The following RBFOX1 variants were observed in gnomAD, a reference collection of about 807,000 sequenced individuals.
RBFOX1 encodes RNA binding protein fox-1 homolog 1.
A neutral mutation model predicts 57.7 loss-of-function variants in RBFOX1; 8 were observed. The observed-to-expected ratio is 0.14, with a 90% CI of 0.08 to 0.25. The LOEUF is 0.25. RBFOX1 is among the 10% of genes least tolerant of loss of function. RBFOX1 has a pLI of 1.00. For synonymous variants in RBFOX1, 326 were observed against 222.4 expected, an observed-to-expected ratio of 1.47 and a Z score of -4.15; for missense variants, 611 against 548.5, an observed-to-expected ratio of 1.11 and a Z score of -1.14.
intron 4 of RBFOX1, among the ~76,000 whole-genome samples, chr16:6,005,469 CA>C (rs1213390536): frequency 6.6e-6 from 1 of 152,188 alleles, no homozygotes; most frequent in Non-Finnish European, 1.5e-5. Context: ...TGGGAAGATA[CA>C]GAAATGATTG....
intron 3 of RBFOX1, among the ~76,000 whole-genome samples, chr16:6,710,135 G>C (rs2063467447): frequency 6.6e-6 from 1 of 152,112 alleles, no homozygotes; most frequent in African/African-American, 2.4e-5. Flanking sequence ...TGGGACTGAG[G>C]GGAGTCCAAA....
At chr16:6,585,776 T>C (rs1352449445) in intron 2 of RBFOX1, among the ~76,000 whole-genome samples, 2 of 127,006 alleles carry the variant, frequency 1.6e-5, no homozygotes, top group African/African-American at 5.1e-5. Context: ...AAAACTAATT[T>C]AGTTTTTTTC....
intron 14 of RBFOX1, chr16:7,693,230 C>A (rs961070663): frequency 1.8e-6 from 2 of 1,112,674 alleles, no homozygotes; most frequent in South Asian, 1.3e-5. Flanking sequence ...CCTTCCCTCC[C>A]CTCATCTGTA....
rs139939956 is a variant in RBFOX1, at chr16:6,430,263, G to A, written c.-64+113206G>A. Among the ~76,000 whole-genome samples, 414 of 152,224 alleles carry A rather than the reference G, an allele frequency of 2.7e-3. 3 individuals are homozygous for A. The highest frequency in any genetic ancestry group is 9.2e-3 in the African/African-American group (380 of 41,530). On this transcript the variant is annotated intron_variant, in intron 2 of 15. Transcript: ENST00000550418. ...TTCTCAACGTTGTGCTGGGCACCAG[G>A]GAATATAAAACAGTAAGACTCAGTC...
intron 3 of RBFOX1, among the ~76,000 whole-genome samples, chr16:5,826,708 C>T (rs2056068067): frequency 6.6e-6 from 1 of 152,184 alleles, no homozygotes; most frequent in African/African-American, 2.4e-5. Context: ...TGTTATTTAA[C>T]ATATTAATTA....
chr16:5,859,980 T>A (rs1382158629), intron 3 of RBFOX1, among the ~76,000 whole-genome samples: 1 of 152,194 alleles, frequency 6.6e-6, no homozygotes, highest in East Asian at 1.9e-4. Flanking sequence ...CCAAAGCACC[T>A]AGATGTAGCC....
chr16:6,848,875 G>C (rs1298490966), intron 3 of RBFOX1, among the ~76,000 whole-genome samples: 1 of 152,162 alleles, frequency 6.6e-6, no homozygotes, highest in African/African-American at 2.4e-5. Flanking sequence ...ATTTCCTCAG[G>C]TGTCAAAGAG....
intron 4 of RBFOX1, among the ~76,000 whole-genome samples, chr16:7,253,101 C>A (rs1000921471): frequency 6.6e-6 from 1 of 152,214 alleles, no homozygotes; most frequent in Admixed American, 6.5e-5. Flanking sequence ...TCACTGGACA[C>A]AGCAAACATA....
intron 3 of RBFOX1, among the ~76,000 whole-genome samples, chr16:6,787,378 G>A (rs56386808): frequency 0.2 from 30,433 of 152,036 alleles, 4,086 homozygotes; most frequent in African/African-American, 0.36. Context: ...ATGCAGAAAC[G>A]GTGAAATGAT....
chr16:5,948,837 C>G (rs1336026024), intron 4 of RBFOX1, among the ~76,000 whole-genome samples: 4 of 152,174 alleles, frequency 2.6e-5, no homozygotes, highest in Non-Finnish European at 5.9e-5. Context: ...CCCTGGGACA[C>G]TAATACACAC....
chr16:6,342,104 A>C (rs1439846334), intron 2 of RBFOX1, among the ~76,000 whole-genome samples: 2 of 152,214 alleles, frequency 1.3e-5, no homozygotes, highest in Non-Finnish European at 2.9e-5. Flanking sequence ...AAATTCAAAC[A>C]GGAATTGGCA....
At chr16:7,446,794 AG>A (rs1344979503) in intron 4 of RBFOX1, among the ~76,000 whole-genome samples, 7 of 123,610 alleles carry the variant, frequency 5.7e-5, no homozygotes, top group African/African-American at 2.1e-4. Context: ...AGGTAGGTCT[AG>A]GTATTTTTTT....
At chr16:7,531,920 G>A (rs2080185820) in intron 5 of RBFOX1, among the ~76,000 whole-genome samples, 1 of 151,964 alleles carries the variant, frequency 6.6e-6, no homozygotes, top group African/African-American at 2.4e-5. Context: ...TTCCCCAGTG[G>A]CATCCAGTGG....
chr16:7,083,338 T>C (rs2059485580), intron 4 of RBFOX1, among the ~76,000 whole-genome samples: 1 of 151,890 alleles, frequency 6.6e-6, no homozygotes, highest in Admixed American at 6.6e-5. Flanking sequence ...GCGAATCTCA[T>C]TCCTTGCAGA....
chr16:6,140,995 C>T (rs760652482), intron 1 of RBFOX1, among the ~76,000 whole-genome samples: 1 of 152,118 alleles, frequency 6.6e-6, no homozygotes, highest in Admixed American at 6.6e-5. Flanking sequence ...GGACACTGAC[C>T]CACACTGTGA....
At position 5,679,067 on chromosome 16, in the gene RBFOX1, G is replaced by A. The variant is rs182698604; in HGVS notation, c.318+80106G>A. Among the ~76,000 whole-genome samples the A allele has an allele frequency of 5.7e-3, 865 of 152,258 alleles. 3 individuals are homozygous for A. The highest frequency in any genetic ancestry group is 9.7e-3 in the Non-Finnish European group (663 of 68,026). ...GCAGTTAATCACTTTTATGAAACCT[G>A]CATCTCAATTCATTACTCCATTTAT... On this transcript the variant is annotated intron_variant, in intron 3 of 19. Coordinates refer to the RBFOX1 transcript ENST00000641259.
chr16:7,710,118 C>T (rs1368178201), intron 15 of RBFOX1: 4 of 1,010,818 alleles, frequency 4.0e-6, no homozygotes, highest in Admixed American at 1.2e-4. Context: ...TCAAGCAATT[C>T]ATCTGTACAA....
chr16:7,357,288 G>T (rs753540134), intron 4 of RBFOX1, among the ~76,000 whole-genome samples: 1 of 151,792 alleles, frequency 6.6e-6, no homozygotes, highest in Non-Finnish European at 1.5e-5. Context: ...GGGTAAGAAG[G>T]TTCTTGGTTA....
chr16:5,403,271 G>A (rs9929040), intron 1 of RBFOX1, among the ~76,000 whole-genome samples: 18,431 of 150,194 alleles, frequency 0.12, 1,902 homozygotes, highest in African/African-American at 0.28. Context: ...AATCGCTTGA[G>A]CCTGGGAGGT....
Sources: allele counts gnomAD v4.1 joint callset (sites outside exome capture counted in the v4.1 genomes callset), GRCh38; gene constraint gnomAD v4.1.1; transcripts MANE v1.5; gene names NCBI Gene and HGNC (gene_info 2026-07-23, HGNC 2026-07-21).